Variants in BNC2 observed in about 807,000 individuals in gnomAD.
BNC2 encodes the protein zinc finger protein basonuclin-2.
BNC2 carries 20 observed loss-of-function variants against 76.3 expected under a neutral mutation model. The observed-to-expected ratio is 0.26, with a 90% confidence interval of 0.18 to 0.38. BNC2 has a LOEUF of 0.38. Among genes scored for constraint, BNC2 ranks in the 10% least tolerant of loss-of-function variants. The probability of loss-of-function intolerance (pLI) is 1.00; values close to 1 mark genes in which losing one functional copy is unlikely to be tolerated. For synonymous variants in BNC2, 582 were observed against 514.8 expected (o/e 1.13, Z -1.77); for missense variants, 1,382 against 1,399.8 (o/e 0.99, Z 0.20).
At chr9:16,488,883 C>CA (rs1366484825) in intron 5 of BNC2, among the ~76,000 whole-genome samples, 1 of 151,860 alleles carries the variant, frequency 6.6e-6, no homozygotes, top group Non-Finnish European at 1.5e-5. Context: ...AAATTACAGG[C>CA]AAAAAATGGT....
intron 1 of BNC2, among the ~76,000 whole-genome samples, chr9:16,806,868 C>T (rs931183790): frequency 6.6e-6 from 1 of 152,192 alleles, no homozygotes; most frequent in African/African-American, 2.4e-5. Flanking sequence ...AATAGAAACT[C>T]TCTCCCCAGA....
At chr9:16,541,835 C>G (rs571008517) in intron 5 of BNC2, among the ~76,000 whole-genome samples, 1 of 152,104 alleles carries the variant, frequency 6.6e-6, no homozygotes, top group South Asian at 2.1e-4. Flanking sequence ...AATATTGTCA[C>G]TGATCTGTGT....
rs552029300 is a variant in BNC2 at position 16,616,317 on chromosome 9, C to T, written c.331-33232G>A. On this transcript the variant is annotated intron_variant, in intron 3 of 6. Coordinates refer to ENST00000380672, the MANE Select transcript of BNC2 (RefSeq NM_017637.6). ...TGAGGCAGCAGGATTGCTTGAGCCT[C>T]GGATGTTGAGACTGCAGTGAGCCAT... Among the ~76,000 whole-genome samples the T allele has an allele frequency of 1.8e-4, 27 of 152,012 alleles. No homozygotes were observed. In the East Asian group the frequency reaches 3.3e-3, roughly 19 times the overall value.
intron 1 of BNC2, among the ~76,000 whole-genome samples, chr9:16,763,337 A>C (rs1179715391): frequency 2.0e-5 from 3 of 152,122 alleles, no homozygotes; most frequent in African/African-American, 7.2e-5. Flanking sequence ...TTGGAGGCCA[A>C]GACAGGAGTA....
chr9:16,755,194 AAG>A, intron 1 of BNC2, among the ~76,000 whole-genome samples: 1 of 152,300 alleles, frequency 6.6e-6, no homozygotes, highest in East Asian at 1.9e-4. Flanking sequence ...ACAGTTCAAA[AAG>A]AGAGAGCAAG....
At chr9:16,679,532 T>C (rs1175946096) in intron 3 of BNC2, among the ~76,000 whole-genome samples, 1 of 152,224 alleles carries the variant, frequency 6.6e-6, no homozygotes, top group African/African-American at 2.4e-5. Flanking sequence ...TTATTCCTGA[T>C]GGTTTAAATT....
chr9:16,672,443 G>T (rs1408708855), intron 3 of BNC2, among the ~76,000 whole-genome samples: 1 of 152,138 alleles, frequency 6.6e-6, no homozygotes, highest in South Asian at 2.1e-4. Flanking sequence ...TTTGCAGTGA[G>T]CAGAGATCGT....
intron 3 of BNC2, among the ~76,000 whole-genome samples, chr9:16,663,279 C>T (rs1822167765): frequency 6.6e-6 from 1 of 151,682 alleles, no homozygotes; most frequent in South Asian, 2.1e-4. Flanking sequence ...ATTACAGGCG[C>T]CCGCCACCGT....
In BNC2 at chr9:16,463,327, C is replaced by G. The variant is rs1043766014; in HGVS notation, c.670-25803G>C. On this transcript the variant is annotated intron_variant, in intron 5 of 6. Transcript: ENST00000380672. ...TTTTTTTTTTTTTGAGACGGAGTCT[C>G]GCTCTGTCGCCCAGGCTGGAGTGCA... Among the ~76,000 whole-genome samples the G allele has an allele frequency of 1.6e-4, 19 of 118,516 alleles. No homozygotes were observed. The South Asian group carries it at 1.8e-3, about 11-fold the overall frequency. The allele number at this position is 118,516 out of a possible 152,430, so 77.8% of individuals were successfully genotyped here. A position where few individuals can be genotyped will look rare whatever the true frequency, so the allele number is the denominator to read the frequency against.
chr9:16,526,289 C>T (rs899374994), intron 5 of BNC2, among the ~76,000 whole-genome samples: 3 of 151,938 alleles, frequency 2.0e-5, no homozygotes, highest in African/African-American at 7.3e-5. Flanking sequence ...TGATCATTTG[C>T]TAACTCCTTA....
intron 1 of BNC2, among the ~76,000 whole-genome samples, chr9:16,767,741 C>G (rs1825735913): frequency 6.6e-6 from 1 of 152,124 alleles, no homozygotes; most frequent in South Asian, 2.1e-4. Flanking sequence ...ATAATAGCCC[C>G]TCTGTGAGTC....
chr9:16,781,772 A>T (rs1022118203), intron 1 of BNC2, among the ~76,000 whole-genome samples: 1 of 152,220 alleles, frequency 6.6e-6, no homozygotes, highest in African/African-American at 2.4e-5. Context: ...TGATGATAGA[A>T]TATTATACAG....
intron 1 of BNC2, among the ~76,000 whole-genome samples, chr9:16,862,107 G>C (rs183114614): frequency 2.6e-5 from 4 of 152,250 alleles, no homozygotes; most frequent in African/African-American, 9.6e-5. Flanking sequence ...AAACAATTTG[G>C]AAGTTCCTCA....
At chr9:16,761,896 G>C (rs1825561075) in intron 1 of BNC2, among the ~76,000 whole-genome samples, 1 of 152,074 alleles carries the variant, frequency 6.6e-6, no homozygotes, top group Non-Finnish European at 1.5e-5. Flanking sequence ...ACATGTAAAT[G>C]GTGGAGCAGA....
At chr9:16,792,202 C>G (rs10962596) in intron 1 of BNC2, among the ~76,000 whole-genome samples, 75,545 of 151,388 alleles carry the variant, frequency 0.5, 25,305 homozygotes, top group Non-Finnish European at 0.75. Flanking sequence ...TTTTCACTTA[C>G]AATCCTCATG....
chr9:16,715,678 AC>A (rs1302447316), intron 3 of BNC2, among the ~76,000 whole-genome samples: 1 of 152,226 alleles, frequency 6.6e-6, no homozygotes, highest in African/African-American at 2.4e-5. Flanking sequence ...CCACCTGGTA[AC>A]AATCGGCTGG....
At chr9:16,621,820 A>C (rs1820875154) in intron 3 of BNC2, among the ~76,000 whole-genome samples, 2 of 152,202 alleles carry the variant, frequency 1.3e-5, no homozygotes, top group African/African-American at 4.8e-5. Flanking sequence ...AGAAAAGAAA[A>C]TGTCTCGATA....
At chr9:16,699,113 C>T in intron 3 of BNC2, 1 of 447,844 alleles carries the variant, frequency 2.2e-6, no homozygotes, top group East Asian at 7.4e-5. Context: ...TGTTGCTGTT[C>T]TGTTTTTGTT....
intron 5 of BNC2, among the ~76,000 whole-genome samples, chr9:16,462,731 A>G (rs1821612370): frequency 1.3e-5 from 2 of 152,062 alleles, no homozygotes. Flanking sequence ...AGACCAGATC[A>G]TTTTCTCCAT....
Sources: allele counts gnomAD v4.1 joint callset (sites outside exome capture counted in the v4.1 genomes callset), GRCh38; gene constraint gnomAD v4.1.1; transcripts MANE v1.5; gene names NCBI Gene and HGNC (gene_info 2026-07-23, HGNC 2026-07-21).